DOCK3: variants seen among roughly 807,000 people sequenced by gnomAD.
The protein encoded by DOCK3 is dedicator of cytokinesis 3.
A neutral mutation model predicts 265.6 loss-of-function variants in DOCK3; 60 were observed. The ratio of observed to expected loss-of-function variants is 0.23; its 90% CI spans 0.18 to 0.28. DOCK3 has a LOEUF of 0.28. DOCK3 is among the 10% of genes least tolerant of loss of function. The probability of loss-of-function intolerance (pLI) is 1.00; values close to 1 mark genes in which losing one functional copy is unlikely to be tolerated. For synonymous variants in DOCK3, 881 were observed against 938.0 expected, an observed-to-expected ratio of 0.94 and a Z score of 1.11; for missense variants, 1,981 against 2,594.3, an observed-to-expected ratio of 0.76 and a Z score of 5.14.
intron 5 of DOCK3, among the ~76,000 whole-genome samples, chr3:51,017,337 T>G (rs1435589033): frequency 6.6e-6 from 1 of 151,594 alleles, no homozygotes. Flanking sequence ...GTTTCATTGA[T>G]CATTTGTATT....
intron 5 of DOCK3, among the ~76,000 whole-genome samples, chr3:51,039,225 A>G (rs2080387824): frequency 6.6e-6 from 1 of 151,930 alleles, no homozygotes. Flanking sequence ...CAAACTCCTC[A>G]CCTCAGGTGA....
chr3:51,187,968 G>A (rs1030242845), intron 12 of DOCK3, among the ~76,000 whole-genome samples: 2 of 152,068 alleles, frequency 1.3e-5, no homozygotes, highest in Non-Finnish European at 2.9e-5. Flanking sequence ...TTCTCAAGAT[G>A]TGCCTTCATG....
intron 3 of DOCK3, among the ~76,000 whole-genome samples, chr3:50,874,699 A>G (rs921661775): frequency 6.6e-6 from 1 of 151,698 alleles, no homozygotes; most frequent in African/African-American, 2.4e-5. Context: ...ATTTTATTTT[A>G]TTTTTGGTAG....
chr3:50,966,115 C>G (rs2077023926), intron 5 of DOCK3, among the ~76,000 whole-genome samples: 1 of 151,730 alleles, frequency 6.6e-6, no homozygotes, highest in African/African-American at 2.4e-5. Context: ...ACATAATATC[C>G]TCCAGGACAT....
At chr3:50,732,452 G>T (rs571278093) in intron 1 of DOCK3, among the ~76,000 whole-genome samples, 3 of 152,094 alleles carry the variant, frequency 2.0e-5, no homozygotes, top group Non-Finnish European at 4.4e-5. Flanking sequence ...TGCCCAGTCT[G>T]CAGTGCAGTG....
At chr3:51,258,942 T>C (rs1034781477) in intron 22 of DOCK3, among the ~76,000 whole-genome samples, 6 of 152,240 alleles carry the variant, frequency 3.9e-5, no homozygotes, top group African/African-American at 1.4e-4. Context: ...AGCTCAGAAG[T>C]GTATACTTTC....
intron 5 of DOCK3, among the ~76,000 whole-genome samples, chr3:51,014,574 G>T (rs1231439578): frequency 6.6e-5 from 10 of 151,898 alleles, no homozygotes. Flanking sequence ...TAAAATTATT[G>T]TTATTAATGT....
rs148850753 is a variant in DOCK3, at chr3:51,352,722, C to G, written c.4108-2160C>G. On this transcript the variant is annotated intron_variant, in intron 40 of 52. Coordinates refer to ENST00000266037, the MANE Select transcript of DOCK3 (RefSeq NM_004947.5). ...TTTCAGCTGCTCAGTTCATCTGTGG[C>G]AGAATAATAAGTCCCAGTGGAGGTA... Among the ~76,000 whole-genome samples, 271 of 152,316 alleles carry G rather than the reference C, an allele frequency of 1.8e-3. 1 individual carries two copies. Among genetic ancestry groups the G allele is most frequent in the Admixed American group, 4.0e-3 (61 of 15,300 alleles).
chr3:51,060,509 A>G (rs562356437), intron 5 of DOCK3, among the ~76,000 whole-genome samples: 12 of 152,246 alleles, frequency 7.9e-5, no homozygotes, highest in African/African-American at 2.9e-4. Context: ...GCTTTCTTCT[A>G]GGGTTTTTAT....
At chr3:50,846,246 A>G (rs1343820471) in intron 3 of DOCK3, among the ~76,000 whole-genome samples, 2 of 152,238 alleles carry the variant, frequency 1.3e-5, no homozygotes, top group East Asian at 3.8e-4. Flanking sequence ...TAATGGTTTC[A>G]GGTACTGTGG....
At chr3:50,835,807 C>T (rs1029475104) in intron 2 of DOCK3, among the ~76,000 whole-genome samples, 2 of 152,140 alleles carry the variant, frequency 1.3e-5, no homozygotes, top group African/African-American at 4.8e-5. Flanking sequence ...TTTTACTGTG[C>T]ATTTCATTGC....
rs747776950 is a variant in DOCK3, at chr3:51,362,510, T to C, written c.5146-17T>C. On this transcript the variant is annotated splice_polypyrimidine_tract_variant and intron_variant, in intron 48 of 52. Coordinates refer to ENST00000266037, the MANE Select transcript of DOCK3 (RefSeq NM_004947.5). Reference sequence around the variant, plus strand: ...GCCATTCAGACCTCTATCCTGCTGATTTTTCTCCCTTTGCAGCTCGCGTAT... The same window carrying C: ...GCCATTCAGACCTCTATCCTGCTGACTTTTCTCCCTTTGCAGCTCGCGTAT... 1.1e-5 allele frequency: 17 copies of C among 1,613,566 alleles called. No homozygotes were observed. The highest frequency in any genetic ancestry group is 1.4e-5 in the Non-Finnish European group (16 of 1,179,852).
intron 5 of DOCK3, among the ~76,000 whole-genome samples, chr3:50,959,530 TTGTGTGTGTGTGTG>T (rs201803035): frequency 1.4e-5 from 2 of 146,086 alleles, no homozygotes; most frequent in Non-Finnish European, 3.0e-5. Context: ...TCTTTTTATG[TTGTGTGTGTGTGTG>T]TGTGTGTGTG....
At chr3:50,720,654 C>T (rs2037421592) in intron 1 of DOCK3, among the ~76,000 whole-genome samples, 1 of 151,940 alleles carries the variant, frequency 6.6e-6, no homozygotes, top group Non-Finnish European at 1.5e-5. Context: ...GGATATATAC[C>T]CAGTAATGGG....
chr3:51,304,171 G>C (rs779712073), intron 27 of DOCK3, among the ~76,000 whole-genome samples: 1 of 152,126 alleles, frequency 6.6e-6, no homozygotes, highest in African/African-American at 2.4e-5. Context: ...GTCAGGGTCC[G>C]ACCTAAAGTG....
intron 2 of DOCK3, among the ~76,000 whole-genome samples, chr3:50,815,244 G>A (rs916489501): frequency 6.6e-6 from 1 of 151,844 alleles, no homozygotes; most frequent in Non-Finnish European, 1.5e-5. Context: ...GGTTAATTTA[G>A]TATTTGGCTT....
At chr3:51,013,756 C>T (rs1018625814) in intron 5 of DOCK3, among the ~76,000 whole-genome samples, 1 of 152,166 alleles carries the variant, frequency 6.6e-6, no homozygotes, top group Non-Finnish European at 1.5e-5. Context: ...GCCTTTTGTT[C>T]AGCTATGCCC....
chr3:50,937,209 G>A (rs918964787), intron 5 of DOCK3, among the ~76,000 whole-genome samples: 7 of 150,538 alleles, frequency 4.6e-5, no homozygotes, highest in Admixed American at 1.3e-4. Context: ...CCTGGGAGGC[G>A]GAGGTTTCAG....
intron 3 of DOCK3, among the ~76,000 whole-genome samples, chr3:50,856,301 A>G (rs1476412330): frequency 6.6e-6 from 1 of 152,202 alleles, no homozygotes; most frequent in Non-Finnish European, 1.5e-5. Flanking sequence ...ACTCCCACTA[A>G]CAGTGTAAAA....
Sources: gnomAD v4.1 joint callset for allele counts (sites outside exome capture counted in the v4.1 genomes callset) on GRCh38, gnomAD v4.1.1 for gene constraint, MANE v1.5 for transcripts, NCBI Gene and HGNC (gene_info 2026-07-23, HGNC 2026-07-21) for gene names.